The following PTPRG variants were observed in gnomAD, a reference collection of about 807,000 sequenced individuals.
PTPRG encodes the protein receptor-type tyrosine-protein phosphatase gamma.
Under a neutral mutation model 165.3 loss-of-function variants are expected in PTPRG, and 102 were observed. The ratio of observed to expected loss-of-function variants is 0.62; its 90% CI spans 0.53 to 0.73. PTPRG has a LOEUF of 0.73. PTPRG is among the 30% of genes least tolerant of loss of function. The pLI, the probability that PTPRG is intolerant of heterozygous loss-of-function variation, is 0.00. For synonymous variants in PTPRG, 675 were observed against 669.5 expected (o/e 1.01, Z -0.13); for missense variants, 1,866 against 1,861.4 (o/e 1.00, Z -0.05).
intron 1 of PTPRG, among the ~76,000 whole-genome samples, chr3:61,563,830 C>T (rs1271402979): frequency 6.6e-6 from 1 of 152,148 alleles, no homozygotes; most frequent in Non-Finnish European, 1.5e-5. Context: ...GGGGGACTGG[C>T]AGCGAATGCC....
intron 1 of PTPRG, among the ~76,000 whole-genome samples, chr3:61,708,228 T>C (rs1056554421): frequency 6.6e-6 from 1 of 152,006 alleles, no homozygotes; most frequent in African/African-American, 2.4e-5. Flanking sequence ...TAAAAAAATA[T>C]TGAGTCACTA....
intron 2 of PTPRG, among the ~76,000 whole-genome samples, chr3:61,977,084 C>T (rs2040526949): frequency 6.6e-6 from 1 of 152,036 alleles, no homozygotes; most frequent in South Asian, 2.1e-4. Context: ...CTTTAATCAC[C>T]CCCTAGTCCC....
intron 2 of PTPRG, among the ~76,000 whole-genome samples, chr3:61,900,143 G>GTT (rs554498586): frequency 6.9e-6 from 1 of 145,934 alleles, no homozygotes; most frequent in Non-Finnish European, 1.5e-5. Context: ...TAGAAATAGT[G>GTT]TTTTTTTTTT....
intron 3 of PTPRG, among the ~76,000 whole-genome samples, chr3:61,995,089 T>C (rs1389561733): frequency 1.3e-3 from 54 of 42,494 alleles, no homozygotes; most frequent in Non-Finnish European, 2.1e-3. Context: ...TCTTTCTTTT[T>C]TTTTTTTTTT....
intron 8 of PTPRG, among the ~76,000 whole-genome samples, chr3:62,178,136 A>AT (rs1705502195): frequency 1.4e-5 from 2 of 141,536 alleles, no homozygotes; most frequent in Non-Finnish European, 3.1e-5. Flanking sequence ...AATGGATGGG[A>AT]GGATGGATGG....
chr3:62,202,949 A>G (rs2063204), intron 11 of PTPRG, among the ~76,000 whole-genome samples: 150,304 of 152,312 alleles, frequency 0.99, 74,196 homozygotes, highest in East Asian at 1. Flanking sequence ...CTAGTTATGC[A>G]TTTTAACATG....
At chr3:62,196,359 T>C (rs570566227) in intron 10 of PTPRG, among the ~76,000 whole-genome samples, 143 of 152,158 alleles carry the variant, frequency 9.4e-4, no homozygotes, top group African/African-American at 3.1e-3. Context: ...GCTGAGATCA[T>C]GCCACTGCAC....
At chr3:62,223,814 G>T (rs939898381) in intron 13 of PTPRG, among the ~76,000 whole-genome samples, 1 of 152,162 alleles carries the variant, frequency 6.6e-6, no homozygotes, top group Non-Finnish European at 1.5e-5. Flanking sequence ...AGAGCTAAAT[G>T]AATTTTGTCC....
chr3:61,665,157 T>C (rs1294853063), intron 1 of PTPRG, among the ~76,000 whole-genome samples: 1 of 152,208 alleles, frequency 6.6e-6, no homozygotes, highest in Non-Finnish European at 1.5e-5. Flanking sequence ...AGGTAGGGGC[T>C]AATCTTCACC....
chr3:61,948,249 CA>C (rs1362438342), intron 2 of PTPRG, among the ~76,000 whole-genome samples: 2 of 152,072 alleles, frequency 1.3e-5, no homozygotes, highest in Non-Finnish European at 2.9e-5. Flanking sequence ...TGCTTGAACC[CA>C]GGAGGTGGAG....
At chr3:61,600,727 A>T (rs1281808222) in intron 1 of PTPRG, among the ~76,000 whole-genome samples, 1 of 151,870 alleles carries the variant, frequency 6.6e-6, no homozygotes, top group Non-Finnish European at 1.5e-5. Context: ...TTTTGTGGAG[A>T]TAGAGTTTTC....
At chr3:61,749,225 T>G (rs980562734) in intron 2 of PTPRG, 1 of 595,508 alleles carries the variant, frequency 1.7e-6, no homozygotes, top group Non-Finnish European at 3.1e-6. Context: ...TGAACTTTAC[T>G]GTTAATGAGT....
rs141308226 is a variant in PTPRG at position 62,182,055 on chromosome 3, A to G, written c.1034-9414A>G. Among the ~76,000 whole-genome samples the G allele has an allele frequency of 6.5e-3, 986 of 152,344 alleles. 10 individuals are homozygous for G. The highest frequency in any genetic ancestry group is 0.023 in the African/African-American group (949 of 41,572). ...TTCTCACAATAAAGTACTCTAGAGG[A>G]AAGAAAATGTTATTTTGAATATTAT... On this transcript the variant is annotated intron_variant, in intron 8 of 29. Coordinates refer to ENST00000474889, the MANE Select transcript of PTPRG (RefSeq NM_002841.4).
intron 2 of PTPRG, among the ~76,000 whole-genome samples, chr3:61,771,767 T>C (rs1357023462): frequency 6.6e-6 from 1 of 151,970 alleles, no homozygotes; most frequent in Non-Finnish European, 1.5e-5. Flanking sequence ...GATATGAAAA[T>C]TGTGATGACC....
chr3:62,163,878 T>C (rs776747425), intron 7 of PTPRG, among the ~76,000 whole-genome samples: 19 of 152,232 alleles, frequency 1.2e-4, no homozygotes, highest in Non-Finnish European at 2.5e-4. Flanking sequence ...ATTTAGCAAG[T>C]AGGGTTTAAA....
intron 2 of PTPRG, among the ~76,000 whole-genome samples, chr3:61,969,572 C>G (rs1345948316): frequency 1.3e-5 from 2 of 152,006 alleles, no homozygotes. Flanking sequence ...AGATGGTGAT[C>G]CAGGAGTAAA....
At chr3:61,887,160 ATATATATATATT>A (rs2038071032) in intron 2 of PTPRG, among the ~76,000 whole-genome samples, 25 of 126,606 alleles carry the variant, frequency 2.0e-4, no homozygotes, top group Middle Eastern at 7.8e-3. Context: ...ATATATATAT[ATATATATATATT>A]TTTAATGCCA....
chr3:61,633,465 TTTTAA>T (rs1270826567), intron 1 of PTPRG, among the ~76,000 whole-genome samples: 1 of 152,222 alleles, frequency 6.6e-6, no homozygotes, highest in African/African-American at 2.4e-5. Flanking sequence ...ATGTGAAACA[TTTTAA>T]TTTAATTTTT....
At chr3:62,084,848 T>C (rs775061113) in intron 5 of PTPRG, among the ~76,000 whole-genome samples, 1 of 152,232 alleles carries the variant, frequency 6.6e-6, no homozygotes, top group African/African-American at 2.4e-5. Flanking sequence ...TCATTGAGGC[T>C]TGAGAGTCTT....
Sources: allele counts gnomAD v4.1 joint callset (sites outside exome capture counted in the v4.1 genomes callset), GRCh38; gene constraint gnomAD v4.1.1; transcripts MANE v1.5; gene names NCBI Gene and HGNC (gene_info 2026-07-23, HGNC 2026-07-21).